The following CA13 variants were observed in gnomAD, a reference collection of about 807,000 sequenced individuals.
The protein encoded by CA13 is carbonic anhydrase 13.
A neutral mutation model predicts 31.5 loss-of-function variants in CA13; 21 were observed. The observed-to-expected ratio is 0.67, with a 90% CI of 0.47 to 0.96. The LOEUF (loss-of-function observed/expected upper bound fraction) is 0.96, where lower values mean the gene tolerates loss of function less well. Among genes scored for constraint, CA13 ranks in the 40% least tolerant of loss-of-function variants. The pLI is 0.00. For missense variants in CA13, 315 were observed against 318.9 expected, an observed-to-expected ratio of 0.99 and a Z score of 0.09; for synonymous variants, 117 against 111.4, an observed-to-expected ratio of 1.05 and a Z score of -0.32.
rs1420921786 is a variant in CA13, at chr8:85,268,534, C to G, written c.576C>G (p.Tyr192Ter). ...LLSLLPPSWDYWTYPGSLTVP... is the reference protein window; with the variant it reads ...LLSLLPPSWD ...CTCTGCTTCCACCATCCTGGGACTA[C>G]TGGACATATCCTGGTTCTCTTACAG... Residue 192 changes from tyrosine to a stop codon, truncating the protein, a stop_gained, in exon 6 of 7, where the codon TAC becomes TAG. Coordinates refer to ENST00000321764, the MANE Select transcript of CA13 (RefSeq NM_198584.3). LOFTEE classifies it high-confidence loss of function. 6.2e-7 allele frequency: 1 copy of G among 1,613,948 alleles called. No homozygotes were observed. Among genetic ancestry groups the G allele is most frequent in the Non-Finnish European group, 8.5e-7 (1 of 1,179,926 alleles).
At chr8:85,258,693 T>C (rs1003298393) in intron 2 of CA13, among the ~76,000 whole-genome samples, 3 of 128,160 alleles carry the variant, frequency 2.3e-5, no homozygotes, top group African/African-American at 8.7e-5. Flanking sequence ...CCTAGCACTT[T>C]GGGAGGATCG....
chr8:85,246,290 T>A (rs548261124), intron 1 of CA13: 26 of 459,076 alleles, frequency 5.7e-5, no homozygotes, highest in Middle Eastern at 7.5e-4. Context: ...GAGAAACAAA[T>A]CATAGAAAAT....
At chr8:85,246,608 A>G (rs1300588694) in intron 1 of CA13, 1 of 429,432 alleles carries the variant, frequency 2.3e-6, no homozygotes, top group Non-Finnish European at 4.7e-6. Context: ...TAATAATGAC[A>G]TACACTTTTC....
intron 3 of CA13, among the ~76,000 whole-genome samples, chr8:85,264,285 T>C (rs1011403003): frequency 6.6e-6 from 1 of 152,222 alleles, no homozygotes; most frequent in Non-Finnish European, 1.5e-5. Context: ...ATACCACTAA[T>C]ATGGAATTTG....
intron 1 of CA13, chr8:85,246,145 A>C: frequency 1.8e-6 from 1 of 550,792 alleles, no homozygotes; most frequent in Non-Finnish European, 3.3e-6. Context: ...GTTCACCTTC[A>C]TCTGAAAAGC....
intron 6 of CA13, among the ~76,000 whole-genome samples, chr8:85,269,109 G>C (rs1464082846): frequency 6.6e-6 from 1 of 152,204 alleles, no homozygotes. Context: ...CCTAAGAAAT[G>C]TGTGCCTGCT....
At chr8:85,274,748 A>G (rs914048179) in intron 6 of CA13, among the ~76,000 whole-genome samples, 3 of 152,150 alleles carry the variant, frequency 2.0e-5, no homozygotes, top group East Asian at 1.9e-4. Flanking sequence ...TATTTAGCCT[A>G]TATGTGGAAG....
chr8:85,246,681 CTGAT>C (rs138442695), intron 1 of CA13: 4,761 of 346,536 alleles, frequency 0.014, 195 homozygotes, highest in African/African-American at 0.093. Flanking sequence ...TTAAACTGAA[CTGAT>C]TGTTTAAATA....
chr8:85,275,670 T>C (rs1807592054), intron 6 of CA13, among the ~76,000 whole-genome samples: 1 of 152,172 alleles, frequency 6.6e-6, no homozygotes, highest in Non-Finnish European at 1.5e-5. Context: ...TTACTCCCCA[T>C]TGTCCAATTG....
chr8:85,253,590 A>G (rs7820228), intron 2 of CA13, among the ~76,000 whole-genome samples: 1 of 152,244 alleles, frequency 6.6e-6, no homozygotes, highest in African/African-American at 2.4e-5. Flanking sequence ...TAAAAAATGC[A>G]TAAAGACAAA....
At chr8:85,255,551 C>T (rs1051779254) in intron 2 of CA13, among the ~76,000 whole-genome samples, 2 of 151,614 alleles carry the variant, frequency 1.3e-5, no homozygotes, top group African/African-American at 2.4e-5. Flanking sequence ...GAACTCCTGG[C>T]GTTTTTAGTA....
At chr8:85,269,530 A>G (rs1038092347) in intron 6 of CA13, among the ~76,000 whole-genome samples, 2 of 152,166 alleles carry the variant, frequency 1.3e-5, no homozygotes, top group Non-Finnish European at 2.9e-5. Context: ...GGGGAGGGGA[A>G]TGAGAGGGAG....
At chr8:85,274,685 T>A (rs759384238) in intron 6 of CA13, among the ~76,000 whole-genome samples, 4 of 152,240 alleles carry the variant, frequency 2.6e-5, no homozygotes, top group Non-Finnish European at 5.9e-5. Context: ...TTTCTAGGGC[T>A]GAGGCGGTTT....
chr8:85,262,813 G>C (rs749325085), intron 3 of CA13, among the ~76,000 whole-genome samples: 4 of 152,124 alleles, frequency 2.6e-5, no homozygotes, highest in Non-Finnish European at 4.4e-5. Flanking sequence ...GGCAGCTTTA[G>C]TGGCATTTGT....
At chr8:85,278,904 G>A (rs1031524356) in intron 6 of CA13, among the ~76,000 whole-genome samples, 2 of 152,238 alleles carry the variant, frequency 1.3e-5, no homozygotes, top group African/African-American at 4.8e-5. Flanking sequence ...TCTGTAAAAG[G>A]GGATAATTAT....
chr8:85,250,944 T>G lies in CA13; in HGVS notation c.235+7T>G. The G allele has an allele frequency of 6.2e-7, 1 of 1,611,444 alleles. No individual in the cohort carries two copies. On this transcript the variant is annotated splice_region_variant and intron_variant, in intron 2 of 6. Transcript: ENST00000321764. ...GACACAGAGAACAAATCAGGTTGGC[T>G]TTTCTTTTTTTGTGTGTGTGGTGGT...
chr8:85,276,816 C>T (rs1254669940), intron 6 of CA13, among the ~76,000 whole-genome samples: 10 of 152,040 alleles, frequency 6.6e-5, no homozygotes, highest in Admixed American at 6.5e-4. Flanking sequence ...TCTAGCTACT[C>T]TGGTGGGGAC....
rs536405367 is a variant in CA13 at position 85,246,293 on chromosome 8, T to C, written c.37+428T>C. On this transcript the variant is annotated intron_variant, in intron 1 of 6. Coordinates refer to ENST00000321764, the MANE Select transcript of CA13 (RefSeq NM_198584.3). ...CTATTCACTTAGGAGAAACAAATCA[T>C]AGAAAATCTTTAAAAATATATTTAG... 165 of 458,526 alleles carry C rather than the reference T, an allele frequency of 3.6e-4. 1 individual carries two copies. The highest frequency in any genetic ancestry group is 4.0e-4 in the Admixed American group (17 of 42,414). The allele number at this position is 458,526 out of a possible 1,614,324, so 28.4% of individuals were successfully genotyped here.
In CA13 at chr8:85,250,814, G is replaced by T; in HGVS notation, c.112G>T (p.Glu38Ter). ...QQSPIEIKTKEVKYDSSLRPL... is the reference protein window; with the variant it reads ...QQSPIEIKTK The stretch of plus-strand genomic sequence containing the variant: ...ATCTCCAATTGAGATTAAAACCAAA[G>T]AAGTGAAATATGACTCTTCCCTCCG... Residue 38 changes from glutamate to a stop codon, truncating the protein, a stop_gained, in exon 2 of 7, where the codon GAA becomes TAA. Coordinates refer to ENST00000321764, the MANE Select transcript of CA13 (RefSeq NM_198584.3). LOFTEE classifies it high-confidence loss of function. 2 of 1,613,988 alleles carry T rather than the reference G, an allele frequency of 1.2e-6. No homozygotes were observed. The highest frequency in any genetic ancestry group is 1.1e-5 in the South Asian group (1 of 91,076).
Sources: allele counts gnomAD v4.1 joint callset (sites outside exome capture counted in the v4.1 genomes callset), GRCh38; gene constraint gnomAD v4.1.1; transcripts MANE v1.5; gene names NCBI Gene and HGNC (gene_info 2026-07-23, HGNC 2026-07-21).